Variants in RBFOX1 observed in about 807,000 individuals in gnomAD.
RBFOX1 encodes the protein RNA binding protein fox-1 homolog 1.
In RBFOX1, 8 loss-of-function variants were observed where a neutral mutation model predicts 57.7. That is an observed-to-expected ratio of 0.14 (90% CI 0.08 to 0.25). The LOEUF is 0.25. Among genes scored for constraint, RBFOX1 ranks in the 10% least tolerant of loss-of-function variants. The pLI is 1.00. For synonymous variants in RBFOX1, 326 were observed against 222.4 expected, an observed-to-expected ratio of 1.47 and a Z score of -4.15; for missense variants, 611 against 548.5, an observed-to-expected ratio of 1.11 and a Z score of -1.14.
chr16:6,826,472 GAA>G (rs2092151443), intron 3 of RBFOX1, among the ~76,000 whole-genome samples: 1 of 152,076 alleles, frequency 6.6e-6, no homozygotes, highest in Non-Finnish European at 1.5e-5. Flanking sequence ...TTAGAGATGA[GAA>G]AATAACCTAG....
At chr16:6,499,585 T>G (rs1320818167) in intron 2 of RBFOX1, among the ~76,000 whole-genome samples, 2 of 152,156 alleles carry the variant, frequency 1.3e-5, no homozygotes, top group African/African-American at 4.8e-5. Flanking sequence ...CAGAGTCTTG[T>G]AATCTTCTGC....
At chr16:6,372,583 G>A (rs1472223172) in intron 2 of RBFOX1, among the ~76,000 whole-genome samples, 1 of 148,302 alleles carries the variant, frequency 6.7e-6, no homozygotes, top group Admixed American at 6.7e-5. Context: ...TGGAAGAGTA[G>A]AGTTGGATGG....
chr16:6,471,321 G>A (rs116959219), intron 2 of RBFOX1, among the ~76,000 whole-genome samples: 1 of 152,232 alleles, frequency 6.6e-6, no homozygotes, highest in East Asian at 1.9e-4. Context: ...AGAACAAGAG[G>A]CATCCTCTAC....
chr16:5,925,982 C>G (rs1366098902), intron 4 of RBFOX1, among the ~76,000 whole-genome samples: 1 of 152,172 alleles, frequency 6.6e-6, no homozygotes, highest in African/African-American at 2.4e-5. Flanking sequence ...CTATTGTCCT[C>G]TGTTTACTAC....
chr16:6,897,263 A>G (rs2067168637), intron 3 of RBFOX1, among the ~76,000 whole-genome samples: 1 of 152,214 alleles, frequency 6.6e-6, no homozygotes, highest in Non-Finnish European at 1.5e-5. Flanking sequence ...CTTTACTAAA[A>G]ATACAAAAAT....
rs1263441064 is a variant in RBFOX1 at position 6,968,934 on chromosome 16, TC to T, written c.-15-83120del. Among the ~76,000 whole-genome samples the T allele has an allele frequency of 3.3e-5, 5 of 152,114 alleles. No individual in the cohort carries two copies. In the East Asian group the frequency reaches 9.7e-4, roughly 29 times the overall value. On this transcript the variant is annotated intron_variant, in intron 3 of 15. Coordinates refer to ENST00000550418, the MANE Select transcript of RBFOX1 (RefSeq NM_018723.4). The stretch of plus-strand genomic sequence containing the variant: ...AAGCTCATTAGAGGAAAGTTCCCAG[TC>T]CCACAGTGACCAGATTAGTGGGTGC...
chr16:5,404,633 C>G (rs1482609785), intron 1 of RBFOX1, among the ~76,000 whole-genome samples: 1 of 152,212 alleles, frequency 6.6e-6, no homozygotes, highest in Non-Finnish European at 1.5e-5. Flanking sequence ...CTGAGTTCAT[C>G]ACAGAGCCCT....
chr16:7,327,161 G>A (rs1047888508), intron 4 of RBFOX1, among the ~76,000 whole-genome samples: 4 of 152,132 alleles, frequency 2.6e-5, no homozygotes, highest in African/African-American at 9.7e-5. Flanking sequence ...AAGCTGTCAT[G>A]GAACATTTGA....
intron 3 of RBFOX1, among the ~76,000 whole-genome samples, chr16:6,856,874 C>G (rs911723498): frequency 2.6e-5 from 4 of 151,700 alleles, no homozygotes; most frequent in Non-Finnish European, 5.9e-5. Flanking sequence ...AATAATAATT[C>G]TGCTGCAAAA....
chr16:6,767,955 A>ATAATAAT lies in RBFOX1; in HGVS notation c.-16+113305_-16+113306insTAATAAT, dbSNP rs1491434134. On this transcript the variant is annotated intron_variant, in intron 3 of 15. Coordinates refer to ENST00000550418, the MANE Select transcript of RBFOX1 (RefSeq NM_018723.4). ...AATAATAATAATAATAATAAGAAGA[A>ATAATAAT]GAAGAAGAAGAAGAAGAAGAAGAAG... Among the ~76,000 whole-genome samples the ATAATAAT allele has an allele frequency of 6.4e-3, 680 of 106,900 alleles. 2 individuals carry two copies. The highest frequency in any genetic ancestry group is 9.0e-3 in the Middle Eastern group (2 of 222). 70.1% of individuals were successfully genotyped at this position (106,900 alleles called of 152,430 possible).
At chr16:6,915,832 G>T (rs1045163884) in intron 3 of RBFOX1, among the ~76,000 whole-genome samples, 4 of 152,136 alleles carry the variant, frequency 2.6e-5, no homozygotes, top group African/African-American at 9.7e-5. Flanking sequence ...AATTAGAGGT[G>T]TGAGCCGCTA....
chr16:6,934,198 G>C (rs1257406754), intron 3 of RBFOX1, among the ~76,000 whole-genome samples: 2 of 152,136 alleles, frequency 1.3e-5, no homozygotes, highest in African/African-American at 4.8e-5. Context: ...TGCAGTTCCT[G>C]GTCTAGGGAT....
At chr16:5,937,045 G>T (rs2059182004) in intron 4 of RBFOX1, among the ~76,000 whole-genome samples, 1 of 152,140 alleles carries the variant, frequency 6.6e-6, no homozygotes. Flanking sequence ...GTCAAATGGG[G>T]ATAAAATCTG....
At chr16:6,115,484 A>G (rs1366785789) in intron 1 of RBFOX1, among the ~76,000 whole-genome samples, 1 of 152,230 alleles carries the variant, frequency 6.6e-6, no homozygotes, top group Non-Finnish European at 1.5e-5. Flanking sequence ...AGATTTGTGC[A>G]TATTGGCTGG....
chr16:6,917,748 T>C lies in RBFOX1; in HGVS notation c.-15-134309T>C, dbSNP rs879671417. Among the ~76,000 whole-genome samples, 6 of 152,168 alleles carry C rather than the reference T, an allele frequency of 3.9e-5. No individual in the cohort carries two copies. The East Asian group carries it at 9.7e-4, about 25-fold the overall frequency. ...AACCTCGGCATTCCAAGTGGACATA[T>C]TTCATATCCTCAGGGCTTGTTCTCC... On this transcript the variant is annotated intron_variant, in intron 3 of 15. Coordinates refer to ENST00000550418, the MANE Select transcript of RBFOX1 (RefSeq NM_018723.4).
chr16:6,926,613 C>T (rs1389415329), intron 3 of RBFOX1, among the ~76,000 whole-genome samples: 1 of 152,304 alleles, frequency 6.6e-6, no homozygotes. Flanking sequence ...GGGCTGTCTC[C>T]TCCCTTTGTC....
intron 4 of RBFOX1, among the ~76,000 whole-genome samples, chr16:7,505,358 G>A (rs565215967): frequency 6.6e-6 from 1 of 152,206 alleles, no homozygotes; most frequent in African/African-American, 2.4e-5. Context: ...GAGGTTTTCA[G>A]TGGCAAGACA....
chr16:5,778,037 A>C (rs929309325), intron 3 of RBFOX1, among the ~76,000 whole-genome samples: 2 of 152,196 alleles, frequency 1.3e-5, no homozygotes, highest in African/African-American at 2.4e-5. Context: ...CCCTAGGGCC[A>C]GTGCAGTGGT....
intron 3 of RBFOX1, among the ~76,000 whole-genome samples, chr16:5,650,625 T>C: frequency 6.6e-6 from 1 of 152,192 alleles, no homozygotes; most frequent in East Asian, 1.9e-4. Flanking sequence ...TGCCAGCTGC[T>C]TAGATAAACA....
Sources: allele counts gnomAD v4.1 joint callset (sites outside exome capture counted in the v4.1 genomes callset), GRCh38; gene constraint gnomAD v4.1.1; transcripts MANE v1.5; gene names NCBI Gene and HGNC (gene_info 2026-07-23, HGNC 2026-07-21).